The following ITGA2 variants were observed in gnomAD, a reference collection of about 807,000 sequenced individuals.
ITGA2 encodes integrin subunit alpha 2, also known as integrin alpha-2.
ITGA2 carries 101 observed loss-of-function variants against 146.3 expected under a neutral mutation model. That is an observed-to-expected ratio of 0.69 (90% CI 0.59 to 0.81). The LOEUF is 0.81. Among genes scored for constraint, ITGA2 ranks in the 40% least tolerant of loss-of-function variants. The pLI is 0.00. For missense variants in ITGA2, 1,281 were observed against 1,402.7 expected, an observed-to-expected ratio of 0.91 and a Z score of 1.39; for synonymous variants, 477 against 487.1, an observed-to-expected ratio of 0.98 and a Z score of 0.27.
Position 53,070,195 on chromosome 5 carries a change from T to G in ITGA2, c.2170T>G (p.Cys724Gly). ...RGLFKENNER[C>G]LQKNMVVNQA... is the part of the protein sequence containing the mutation. ...GTTATTTAAAGAAAACAATGAAAGG[T>G]GCCTGCAGAAGAATATGGTAGTAAA... Residue 724 changes from cysteine (C) to glycine (G), a missense_variant, in exon 17 of 30, where the codon TGC becomes GGC. Cys to Gly is a radical substitution (Grantham distance 159). Coordinates refer to ENST00000296585, the MANE Select transcript of ITGA2 (RefSeq NM_002203.4). 1 of 1,611,944 alleles carries G rather than the reference T, an allele frequency of 6.2e-7. No homozygotes were observed. The highest frequency in any genetic ancestry group is 8.5e-7 in the Non-Finnish European group (1 of 1,178,696).
In ITGA2 at chr5:53,070,233, T is replaced by C. The variant is rs777737081; in HGVS notation, c.2208T>C (p.Ser736=). The change falls in exon 17 of 30, where the codon AGT becomes AGC. Residue 736 remains serine (S), a synonymous_variant. Transcript: ENST00000296585. ...ATATGGTAGTAAATCAAGCACAGAG[T>C]TGCCCCGAGCACATCATTTATATAC... ...QKNMVVNQAQ[S]CPEHIIYIQE... The C allele has an allele frequency of 6.2e-7, 1 of 1,611,694 alleles. No homozygotes were observed. Among genetic ancestry groups the C allele is most frequent in the South Asian group, 1.1e-5 (1 of 91,044 alleles).
chr5:53,022,980 A>C (rs941537326), intron 1 of ITGA2, among the ~76,000 whole-genome samples: 1 of 152,240 alleles, frequency 6.6e-6, no homozygotes, highest in Non-Finnish European at 1.5e-5. Context: ...TGCATGAGAT[A>C]AAATGTATTT....
chr5:53,012,283 A>C (rs919512443), intron 1 of ITGA2, among the ~76,000 whole-genome samples: 1 of 152,198 alleles, frequency 6.6e-6, no homozygotes, highest in African/African-American at 2.4e-5. Flanking sequence ...GTTTGTTCCT[A>C]ATACACATGA....
chr5:53,023,988 A>T (rs1742811620), intron 1 of ITGA2, among the ~76,000 whole-genome samples: 3 of 152,350 alleles, frequency 2.0e-5, no homozygotes, highest in South Asian at 4.1e-4. Flanking sequence ...TTTAGTATCA[A>T]TGGAATGAAG....
At chr5:53,020,537 C>T (rs891198690) in intron 1 of ITGA2, among the ~76,000 whole-genome samples, 1 of 152,048 alleles carries the variant, frequency 6.6e-6, no homozygotes, top group African/African-American at 2.4e-5. Flanking sequence ...TATATTTGTG[C>T]ATGTGACAAT....
intron 1 of ITGA2, among the ~76,000 whole-genome samples, chr5:53,006,344 A>T (rs1337716291): frequency 1.3e-5 from 2 of 152,186 alleles, no homozygotes; most frequent in African/African-American, 4.8e-5. Context: ...TCCTATAGCT[A>T]GATTCTTGAA....
intron 28 of ITGA2, among the ~76,000 whole-genome samples, chr5:53,087,925 A>G (rs1740184659): frequency 6.6e-6 from 1 of 152,190 alleles, no homozygotes; most frequent in African/African-American, 2.4e-5. Flanking sequence ...CCCATGAACT[A>G]TGGGCCTCCT....
At chr5:53,001,633 G>C (rs542217129) in intron 1 of ITGA2, among the ~76,000 whole-genome samples, 1 of 152,072 alleles carries the variant, frequency 6.6e-6, no homozygotes, top group Non-Finnish European at 1.5e-5. Context: ...CCAGGAATTT[G>C]AACCTAGACT....
chr5:53,081,932 T>A (rs1435492870), intron 26 of ITGA2, among the ~76,000 whole-genome samples: 1 of 152,222 alleles, frequency 6.6e-6, no homozygotes, highest in Non-Finnish European at 1.5e-5. Context: ...ACTGGAATTA[T>A]CTTATGCCAC....
chr5:53,024,761 A>C lies in ITGA2; in HGVS notation c.65-1987A>C, dbSNP rs181582477. On this transcript the variant is annotated intron_variant, in intron 1 of 29. Transcript: ENST00000296585. ...TGCATGTGTTCAAAAAACAGAAGGAAAGTGAGTGTGGCTGGAACACAGGGA... is the reference window on the plus strand; with the variant it reads ...TGCATGTGTTCAAAAAACAGAAGGACAGTGAGTGTGGCTGGAACACAGGGA... Among the ~76,000 whole-genome samples, 99 of 152,306 alleles carry C rather than the reference A, an allele frequency of 6.5e-4. 1 individual carries two copies. Among genetic ancestry groups the C allele is most frequent in the Admixed American group, 1.2e-3 (19 of 15,298 alleles).
chr5:53,083,366 T>C lies in ITGA2; in HGVS notation c.3171T>C (p.Asn1057=). Residue 1057 remains asparagine (N), a synonymous_variant, in exon 27 of 30, where the codon AAT becomes AAC. Coordinates refer to ENST00000296585, the MANE Select transcript of ITGA2 (RefSeq NM_002203.4). ...ELNCRTASCS[N]VTCWLKDVHM... Reference sequence around the variant, plus strand: ...ACTGCAGAACTGCTTCCTGTAGTAATGTTACCTGCTGGTTGAAAGACGTTC... The same window carrying C: ...ACTGCAGAACTGCTTCCTGTAGTAACGTTACCTGCTGGTTGAAAGACGTTC... 2 of 1,612,744 alleles carry C rather than the reference T, an allele frequency of 1.2e-6. No homozygotes were observed. The highest frequency in any genetic ancestry group is 1.1e-5 in the South Asian group (1 of 91,072).
chr5:53,087,279 T>C (rs1353845083), intron 28 of ITGA2, among the ~76,000 whole-genome samples: 3 of 152,166 alleles, frequency 2.0e-5, no homozygotes, highest in Non-Finnish European at 4.4e-5. Flanking sequence ...CTGGCTTTCC[T>C]AGAGGTGGTG....
chr5:53,047,358 T>G (rs3212474), intron 4 of ITGA2, among the ~76,000 whole-genome samples: 11,269 of 152,204 alleles, frequency 0.074, 582 homozygotes, highest in East Asian at 0.17. Context: ...TAATGTTTCT[T>G]GTGTCATTTA....
At chr5:53,043,851 G>A (rs1272353778) in intron 3 of ITGA2, among the ~76,000 whole-genome samples, 1 of 152,072 alleles carries the variant, frequency 6.6e-6, no homozygotes, top group Admixed American at 6.6e-5. Context: ...AAAATTAGGA[G>A]TTCTAAGAAT....
At chr5:53,054,938 CA>C (rs1325223438) in intron 7 of ITGA2, among the ~76,000 whole-genome samples, 1 of 151,822 alleles carries the variant, frequency 6.6e-6, no homozygotes, top group East Asian at 1.9e-4. Flanking sequence ...GGAAATAAAA[CA>C]TTTTTTAAAA....
At chr5:53,011,959 C>A (rs572821982) in intron 1 of ITGA2, among the ~76,000 whole-genome samples, 6 of 152,096 alleles carry the variant, frequency 3.9e-5, no homozygotes, top group Admixed American at 6.5e-5. Context: ...AATTTGTCAT[C>A]ACTGATTTTA....
intron 4 of ITGA2, among the ~76,000 whole-genome samples, chr5:53,047,705 T>C (rs971611007): frequency 2.6e-5 from 4 of 152,188 alleles, no homozygotes; most frequent in African/African-American, 9.7e-5. Context: ...GGTCTGTACA[T>C]AGGCATGGGT....
intron 27 of ITGA2, among the ~76,000 whole-genome samples, chr5:53,086,232 T>C (rs1416803621): frequency 6.6e-6 from 1 of 152,162 alleles, no homozygotes; most frequent in Non-Finnish European, 1.5e-5. Flanking sequence ...TTTCTGTAAC[T>C]AGATGGAGGA....
intron 1 of ITGA2, among the ~76,000 whole-genome samples, chr5:53,016,450 G>A (rs1287117002): frequency 6.6e-6 from 1 of 152,142 alleles, no homozygotes; most frequent in East Asian, 1.9e-4. Flanking sequence ...TGCTTATAAG[G>A]TTCGTTGTTA....
Sources: gnomAD v4.1 joint callset for allele counts (sites outside exome capture counted in the v4.1 genomes callset) on GRCh38, gnomAD v4.1.1 for gene constraint, MANE v1.5 for transcripts, NCBI Gene and HGNC (gene_info 2026-07-23, HGNC 2026-07-21) for gene names.